The following SHOC2 variants were observed in gnomAD, a reference collection of about 807,000 sequenced individuals.
SHOC2 encodes the protein leucine-rich repeat protein SHOC-2.
A neutral mutation model predicts 50.2 loss-of-function variants in SHOC2; 4 were observed. The ratio of observed to expected loss-of-function variants is 0.08; its 90% CI spans 0.04 to 0.18. The LOEUF is 0.18. Ranked by LOEUF, SHOC2 falls within the 10% of genes least tolerant of loss-of-function variation. The probability of loss-of-function intolerance (pLI) is 1.00; values close to 1 mark genes in which losing one functional copy is unlikely to be tolerated. For synonymous variants in SHOC2, 218 were observed against 244.5 expected, an observed-to-expected ratio of 0.89 and a Z score of 1.01; for missense variants, 388 against 669.6, an observed-to-expected ratio of 0.58 and a Z score of 4.64.
chr10:110,963,429 C>G (rs1847609390), intron 1 of SHOC2, among the ~76,000 whole-genome samples: 2 of 152,260 alleles, frequency 1.3e-5, no homozygotes, highest in South Asian at 4.1e-4. Context: ...ATGTAGAGTG[C>G]TTATTAAAGT....
intron 2 of SHOC2, among the ~76,000 whole-genome samples, chr10:110,981,876 T>TTTTTATTTTACTC (rs369735711): frequency 7.4e-6 from 1 of 135,412 alleles, no homozygotes; most frequent in South Asian, 2.4e-4. Flanking sequence ...ATTTATTTTT[T>TTTTTATTTTACTC]TAAGTTTTAG....
chr10:110,940,919 T>G (rs1372815505), intron 1 of SHOC2, among the ~76,000 whole-genome samples: 69 of 1,162 alleles, frequency 0.059, 11 homozygotes, highest in South Asian at 0.5. Context: ...GGTTTTTTTT[T>G]TTTTTTTTTT....
Position 110,946,654 on chromosome 10 carries a change from A to G in SHOC2, c.-234-17471A>G, listed in dbSNP as rs575293991. Among the ~76,000 whole-genome samples, 13 of 152,274 alleles carry G rather than the reference A, an allele frequency of 8.5e-5. No individual in the cohort carries two copies. In the South Asian group the frequency reaches 2.7e-3, roughly 32 times the overall value. ...TATCTATGCAGATGGAATAGCTAGA[A>G]CAAAGACTTCATGTGTGAGCATGTA... On this transcript the variant is annotated intron_variant, in intron 1 of 8. Coordinates refer to ENST00000369452, the MANE Select transcript of SHOC2 (RefSeq NM_007373.4).
intron 1 of SHOC2, among the ~76,000 whole-genome samples, chr10:110,923,404 T>C (rs147810532): frequency 1.3e-5 from 2 of 152,216 alleles, no homozygotes; most frequent in East Asian, 3.9e-4. Context: ...TCTGGTTTTG[T>C]TTGGTATTTT....
At chr10:111,000,265 T>G in intron 3 of SHOC2, 150 bp from the exon 4 acceptor site, 2 of 675,800 alleles carry the variant, frequency 3.0e-6, no homozygotes, top group Non-Finnish European at 5.2e-6. Flanking sequence ...TAATTGATAG[T>G]GTAGTGTGAG....
chr10:110,922,435 T>C (rs1846672608), intron 1 of SHOC2, among the ~76,000 whole-genome samples: 1 of 113,674 alleles, frequency 8.8e-6, no homozygotes, highest in South Asian at 3.2e-4. Context: ...TTAATATTTC[T>C]GGAAGACTTC....
Position 110,999,736 on chromosome 10 carries a change from CAAAAAAAAAA to C in SHOC2, c.842-665_842-656del, listed in dbSNP as rs145780250. ...TGGGTGATAGAGTGAGACTCAGTCT[CAAAAAAAAAA>C]AAAAAAAAAAAAAGAAAGAAAAGAA... On this transcript the variant is annotated intron_variant, in intron 3 of 8. Coordinates refer to ENST00000369452, the MANE Select transcript of SHOC2 (RefSeq NM_007373.4). 1.6e-4 allele frequency among the ~76,000 whole-genome samples: 13 copies of C among 81,722 alleles called. No individual in the cohort carries two copies. The East Asian group carries it at 1.6e-3, about 10-fold the overall frequency. 53.6% of individuals were successfully genotyped at this position (81,722 alleles called of 152,430 possible). A position where few individuals can be genotyped will look rare whatever the true frequency, so the allele number is the denominator to read the frequency against.
Position 111,012,732 on chromosome 10 carries a change from G to A in SHOC2, c.*914G>A, listed in dbSNP as rs189223963. Reference sequence around the variant, plus strand: ...TGTATATACAATGCTATATAGATATGTATTTATTATATCATAAACTACAGT... The same window carrying A: ...TGTATATACAATGCTATATAGATATATATTTATTATATCATAAACTACAGT... On this transcript the variant is annotated 3_prime_UTR_variant, in exon 9 of 9. Transcript: ENST00000369452. 9 of 152,496 alleles carry A rather than the reference G, an allele frequency of 5.9e-5. No individual in the cohort carries two copies. In the East Asian group the frequency reaches 1.7e-3, roughly 29 times the overall value. The allele number at this position is 152,496 out of a possible 1,614,324, so 9.4% of individuals were successfully genotyped here.
intron 1 of SHOC2, among the ~76,000 whole-genome samples, chr10:110,948,349 TAAAG>T (rs371811987): frequency 6.7e-4 from 102 of 152,248 alleles, no homozygotes; most frequent in African/African-American, 2.3e-3. Context: ...AGAAAATCAA[TAAAG>T]AAATAACAGA....
chr10:110,936,604 T>TTTTTTA lies in SHOC2; in HGVS notation c.-235+16947_-235+16948insTTTTTA. On this transcript the variant is annotated intron_variant, in intron 1 of 8. Transcript: ENST00000369452. ...TTTTCTTTTCCTTTTTTTTTTTTTT[T>TTTTTTA]AACAGTCTTTATTGGGCTCAGACCA... is the stretch of plus-strand genomic sequence containing the variant. 6 of 761,842 alleles carry TTTTTTA rather than the reference T, an allele frequency of 7.9e-6. No individual in the cohort carries two copies. The East Asian group carries it at 1.7e-4, about 22-fold the overall frequency. The allele number at this position is 761,842 out of a possible 1,614,324, so 47.2% of individuals were successfully genotyped here.
At chr10:110,939,293 A>G (rs1847091480) in intron 1 of SHOC2, among the ~76,000 whole-genome samples, 1 of 152,002 alleles carries the variant, frequency 6.6e-6, no homozygotes, top group Non-Finnish European at 1.5e-5. Flanking sequence ...ATCATGGCTC[A>G]CTGTAGCTCC....
intron 1 of SHOC2, chr10:110,920,145 G>A (rs939386054): frequency 6.6e-6 from 1 of 152,264 alleles, no homozygotes; most frequent in African/African-American, 2.4e-5. Flanking sequence ...CGGTCATACA[G>A]GGTGGGGTCT....
rs1848607917 is a variant in SHOC2 at position 111,013,582 on chromosome 10, T to TC, written c.*1765dup. On this transcript the variant is annotated 3_prime_UTR_variant, in exon 9 of 9. Transcript: ENST00000369452. ...CTGGATTTTACCAAGTAATATCCTT[T>TC]CTTTTTTTTTTCCCCCCATCTGCTG... 2 of 152,090 alleles carry TC rather than the reference T, an allele frequency of 1.3e-5. No individual in the cohort carries two copies. The highest frequency in any genetic ancestry group is 1.3e-4 in the Admixed American group (2 of 15,264). The allele number at this position is 152,090 out of a possible 1,614,324, so 9.4% of individuals were successfully genotyped here.
intron 4 of SHOC2, among the ~76,000 whole-genome samples, chr10:111,002,881 A>G (rs1848404836): frequency 6.6e-6 from 1 of 152,216 alleles, no homozygotes; most frequent in Non-Finnish European, 1.5e-5. Context: ...TATACTCAGT[A>G]TTAACATTTT....
At chr10:110,939,812 A>G (rs1847101150) in intron 1 of SHOC2, among the ~76,000 whole-genome samples, 1 of 152,204 alleles carries the variant, frequency 6.6e-6, no homozygotes, top group Admixed American at 6.5e-5. Flanking sequence ...GAATTGGTGC[A>G]CAGGCCAGAG....
Position 111,000,525 on chromosome 10 carries a change from A to G in SHOC2, c.952A>G (p.Asn318Asp). 1 of 1,611,060 alleles carries G rather than the reference A, an allele frequency of 6.2e-7. No homozygotes were observed. Among genetic ancestry groups the G allele is most frequent in the Non-Finnish European group, 8.5e-7 (1 of 1,177,548 alleles). The change falls in exon 4 of 9, where the codon AAC becomes GAC. Residue 318 changes from asparagine to aspartate, a missense_variant. Coordinates refer to ENST00000369452, the MANE Select transcript of SHOC2 (RefSeq NM_007373.4). ...ALEELNLENN[N>D]ISTLPESLLS... ...TGAAGAATTAAATTTAGAGAACAAT[A>G]ACATTTCTACTTTACCAGAGGTAAG... is the stretch of plus-strand genomic sequence containing the variant.
At chr10:110,945,070 G>A (rs1024224673) in intron 1 of SHOC2, among the ~76,000 whole-genome samples, 3 of 152,154 alleles carry the variant, frequency 2.0e-5, no homozygotes, top group Non-Finnish European at 2.9e-5. Flanking sequence ...AGTCTGTTAC[G>A]GGTATTTCAT....
chr10:110,929,050 A>G (rs1393044163), intron 1 of SHOC2, among the ~76,000 whole-genome samples: 1 of 152,240 alleles, frequency 6.6e-6, no homozygotes, highest in East Asian at 1.9e-4. Context: ...ATAATATAAC[A>G]ACAATGATCC....
rs397517230 is a variant in SHOC2 at position 110,964,293 on chromosome 10, A to G, written c.-66A>G. On this transcript the variant is annotated 5_prime_UTR_variant, in exon 2 of 9. Coordinates refer to ENST00000369452, the MANE Select transcript of SHOC2 (RefSeq NM_007373.4). The surrounding 1 kb of genome is among the most constrained non-coding windows in gnomAD (Gnocchi z 4.9). ...GATTGTGTAGGATCTTTGTCTCTTC[A>G]TCTTTGAATTCAATTACTGGAAAAT... is the stretch of plus-strand genomic sequence containing the variant. 2 of 1,570,084 alleles carry G rather than the reference A, an allele frequency of 1.3e-6. No individual in the cohort carries two copies. The highest frequency in any genetic ancestry group is 2.3e-5 in the South Asian group (2 of 85,558).
Sources: gnomAD v4.1 joint callset for allele counts (sites outside exome capture counted in the v4.1 genomes callset) on GRCh38, gnomAD v4.1.1 for gene constraint, Gnocchi (gnomAD v3.1) non-coding constraint, MANE v1.5 for transcripts, NCBI Gene and HGNC (gene_info 2026-07-23, HGNC 2026-07-21) for gene names.